The following NBAS variants were observed in gnomAD, a reference collection of about 807,000 sequenced individuals.
NBAS encodes NBAS subunit of NRZ tethering complex.
NBAS carries 219 observed loss-of-function variants against 302.5 expected under a neutral mutation model. That is an observed-to-expected ratio of 0.72 (90% CI 0.65 to 0.81). The LOEUF (loss-of-function observed/expected upper bound fraction) is 0.81, where lower values mean the gene tolerates loss of function less well. NBAS is among the 30% of genes least tolerant of loss of function. The probability of loss-of-function intolerance (pLI) is 0.00; values close to 1 mark genes in which losing one functional copy is unlikely to be tolerated. For synonymous variants in NBAS, 1,118 were observed against 1,021.6 expected (o/e 1.09, Z -1.80); for missense variants, 2,932 against 2,841.6 (o/e 1.03, Z -0.72).
At chr2:15,144,734 G>T in the NBAS span, among the ~76,000 whole-genome samples, 1 of 152,188 alleles carries the variant, frequency 6.6e-6, no homozygotes, top group Non-Finnish European at 1.5e-5. Context: ...TCAGCTCTGG[G>T]TTCAAATCCA....
intron 30 of NBAS, among the ~76,000 whole-genome samples, chr2:15,375,698 A>G (rs1305286323): frequency 1.3e-5 from 2 of 152,332 alleles, no homozygotes; most frequent in East Asian, 3.9e-4. Flanking sequence ...AATTACAAAT[A>G]AATTCTAAAA....
chr2:15,410,635 C>A (rs999823527), intron 25 of NBAS, among the ~76,000 whole-genome samples: 1 of 152,164 alleles, frequency 6.6e-6, no homozygotes, highest in African/African-American at 2.4e-5. Context: ...AAGATAAAAT[C>A]TTTGCATAAG....
At chr2:15,279,352 C>T (rs1227541930) in intron 42 of NBAS, among the ~76,000 whole-genome samples, 1 of 152,088 alleles carries the variant, frequency 6.6e-6, no homozygotes, top group Non-Finnish European at 1.5e-5. Context: ...CACAACTGCT[C>T]AGGACATCAC....
intron 12 of NBAS, among the ~76,000 whole-genome samples, chr2:15,484,991 G>C (rs567963346): frequency 6.6e-6 from 1 of 152,088 alleles, no homozygotes; most frequent in South Asian, 2.1e-4. Flanking sequence ...TTGATTCCCA[G>C]GATACAGGTG....
chr2:15,443,956 G>T (rs1398588915), intron 21 of NBAS, among the ~76,000 whole-genome samples: 1 of 151,784 alleles, frequency 6.6e-6, no homozygotes, highest in Admixed American at 6.6e-5. Context: ...GGGATGTGAA[G>T]GACCTCTTCA....
At chr2:15,290,047 G>A in intron 41 of NBAS, among the ~76,000 whole-genome samples, 1 of 150,248 alleles carries the variant, frequency 6.7e-6, no homozygotes. Context: ...AGGAGAAGAG[G>A]GGAGAGGGGA....
chr2:15,529,111 C>T (rs1663093889), intron 9 of NBAS, among the ~76,000 whole-genome samples: 1 of 151,938 alleles, frequency 6.6e-6, no homozygotes, highest in South Asian at 2.1e-4. Flanking sequence ...ATACCAACAA[C>T]TTCTGTAACT....
At chr2:14,903,560 G>A in the NBAS span, among the ~76,000 whole-genome samples, 1 of 152,096 alleles carries the variant, frequency 6.6e-6, no homozygotes, top group Non-Finnish European at 1.5e-5. Flanking sequence ...TGAAATGCAT[G>A]AAAAGAAAAC....
intron 31 of NBAS, among the ~76,000 whole-genome samples, chr2:15,372,160 A>G (rs188029070): frequency 1.5e-4 from 23 of 152,334 alleles, no homozygotes; most frequent in African/African-American, 5.3e-4. Flanking sequence ...GACTTACCCT[A>G]TTATAGAAAT....
chr2:15,112,717 G>A, the NBAS span, among the ~76,000 whole-genome samples: 3 of 118,016 alleles, frequency 2.5e-5, no homozygotes, highest in African/African-American at 9.8e-5. Flanking sequence ...AAAAGTAAGT[G>A]GAGTAACATA....
chr2:15,079,403 T>C, the NBAS span, among the ~76,000 whole-genome samples: 3 of 152,108 alleles, frequency 2.0e-5, no homozygotes, highest in African/African-American at 7.2e-5. Flanking sequence ...AGTAAGAATG[T>C]CACCATCATC....
the NBAS span, among the ~76,000 whole-genome samples, chr2:15,083,767 CA>C: frequency 2.6e-5 from 4 of 152,178 alleles, no homozygotes; most frequent in Non-Finnish European, 5.9e-5. Context: ...GCCTGTGTAA[CA>C]AGAGGCTTGT....
At chr2:15,462,646 G>A (rs962509314) in intron 19 of NBAS, among the ~76,000 whole-genome samples, 3 of 152,100 alleles carry the variant, frequency 2.0e-5, no homozygotes, top group Non-Finnish European at 2.9e-5. Flanking sequence ...AGGGAGGAAG[G>A]AGAGCTGAGC....
the NBAS span, among the ~76,000 whole-genome samples, chr2:14,864,394 T>C: frequency 1.3e-5 from 2 of 151,378 alleles, no homozygotes; most frequent in African/African-American, 4.9e-5. Flanking sequence ...CTATTCATAC[T>C]ATTCATACTA....
chr2:14,872,058 A>G, the NBAS span, among the ~76,000 whole-genome samples: 1 of 152,208 alleles, frequency 6.6e-6, no homozygotes, highest in African/African-American at 2.4e-5. Flanking sequence ...GATTGCATGT[A>G]CTAGGATGGA....
the NBAS span, among the ~76,000 whole-genome samples, chr2:14,931,381 C>T: frequency 1.8e-4 from 28 of 152,248 alleles, no homozygotes; most frequent in South Asian, 6.2e-4. Context: ...GGTAGACAAA[C>T]GGCCCCCTTG....
chr2:15,071,786 GT>G, the NBAS span, among the ~76,000 whole-genome samples: 3 of 152,112 alleles, frequency 2.0e-5, no homozygotes, highest in Admixed American at 1.3e-4. Context: ...AGGGACTCAT[GT>G]TTTTTTCCCA....
At chr2:15,153,417 T>A in the NBAS span, among the ~76,000 whole-genome samples, 1 of 152,222 alleles carries the variant, frequency 6.6e-6, no homozygotes, top group Non-Finnish European at 1.5e-5. Flanking sequence ...GAGAGAACTA[T>A]GCCTCATGAG....
At chr2:15,509,557 T>C (rs1030430169) in intron 10 of NBAS, among the ~76,000 whole-genome samples, 2 of 152,242 alleles carry the variant, frequency 1.3e-5, no homozygotes, top group Non-Finnish European at 2.9e-5. Context: ...CTGCAGTATA[T>C]ATTAAATGCT....
Sources: allele counts gnomAD v4.1 joint callset (sites outside exome capture counted in the v4.1 genomes callset), GRCh38; gene constraint gnomAD v4.1.1; transcripts MANE v1.5; gene names NCBI Gene and HGNC (gene_info 2026-07-23, HGNC 2026-07-21).